Variants in TBCK observed in about 807,000 individuals in gnomAD.
The protein encoded by TBCK is TBC domain-containing protein kinase-like protein.
TBCK carries 99 observed loss-of-function variants against 113.4 expected under a neutral mutation model. That is an observed-to-expected ratio of 0.87 (90% CI 0.74 to 1.03). The LOEUF is 1.03. Ranked by LOEUF, TBCK falls within the 50% of genes least tolerant of loss-of-function variation. The pLI is 0.00. For synonymous variants in TBCK, 369 were observed against 370.8 expected, an observed-to-expected ratio of 1.00 and a Z score of 0.05; for missense variants, 1,045 against 1,061.3, an observed-to-expected ratio of 0.98 and a Z score of 0.21.
At chr4:106,197,897 TC>T (rs1364777348) in intron 20 of TBCK, among the ~76,000 whole-genome samples, 1 of 152,172 alleles carries the variant, frequency 6.6e-6, no homozygotes, top group Non-Finnish European at 1.5e-5. Context: ...ACTGAACTAA[TC>T]TTGTTTTGGT....
intron 22 of TBCK, among the ~76,000 whole-genome samples, chr4:106,178,777 T>G (rs1038847113): frequency 9.2e-5 from 14 of 152,126 alleles, no homozygotes; most frequent in African/African-American, 3.4e-4. Flanking sequence ...TAGAATGAGT[T>G]TGAAAGTATC....
intron 22 of TBCK, among the ~76,000 whole-genome samples, chr4:106,175,377 T>TA (rs1553950334): frequency 1.0e-4 from 15 of 143,846 alleles, no homozygotes; most frequent in South Asian, 2.3e-4. Context: ...TTTTTTTTTT[T>TA]ATGTGGGCTG....
At position 106,151,966 on chromosome 4, in the gene TBCK, T is replaced by C. The variant is rs1310796204; in HGVS notation, c.2235+19129A>G. Among the ~76,000 whole-genome samples the C allele has an allele frequency of 2.6e-5, 4 of 152,036 alleles. No individual in the cohort carries two copies. In the East Asian group the frequency reaches 7.7e-4, roughly 29 times the overall value. On this transcript the variant is annotated intron_variant, in intron 23 of 25. Coordinates refer to ENST00000394708, the MANE Select transcript of TBCK (RefSeq NM_001163435.3). Reference sequence around the variant, plus strand: ...CTGCAACTTTGCTGAATTTATCACTTCTAATACTGTTTTTTATGGAGTCTT... The same window carrying C: ...CTGCAACTTTGCTGAATTTATCACTCCTAATACTGTTTTTTATGGAGTCTT...
In TBCK at chr4:106,276,293, T is replaced by C. The variant is rs184340491; in HGVS notation, c.267-14081A>G. Among the ~76,000 whole-genome samples the C allele has an allele frequency of 6.2e-3, 949 of 152,310 alleles. 14 individuals are homozygous for C. Among genetic ancestry groups the C allele is most frequent in the Non-Finnish European group, 6.2e-3 (421 of 68,022 alleles). On this transcript the variant is annotated intron_variant, in intron 3 of 25. Transcript: ENST00000394708. ...AGAGCCAACATAAAATCGAAAACTA[T>C]AATGATTCTAGAATAAAATATGGGA...
chr4:106,065,603 G>A (rs919770828), intron 25 of TBCK, among the ~76,000 whole-genome samples: 1 of 151,902 alleles, frequency 6.6e-6, no homozygotes, highest in Non-Finnish European at 1.5e-5. Context: ...ACAAAAACGG[G>A]TCTACCCTGT....
At chr4:106,101,525 CAA>C (rs1409711178) in intron 24 of TBCK, among the ~76,000 whole-genome samples, 9 of 152,144 alleles carry the variant, frequency 5.9e-5, no homozygotes, top group Middle Eastern at 3.4e-3. Flanking sequence ...GACAAAGAGA[CAA>C]GAGTAATACT....
chr4:106,118,152 T>C (rs1743781311), intron 23 of TBCK, among the ~76,000 whole-genome samples: 1 of 152,220 alleles, frequency 6.6e-6, no homozygotes, highest in Non-Finnish European at 1.5e-5. Flanking sequence ...TTTTCTCTTT[T>C]TTCTCAGTTA....
At chr4:106,122,095 T>C (rs1037068609) in intron 23 of TBCK, among the ~76,000 whole-genome samples, 10 of 152,022 alleles carry the variant, frequency 6.6e-5, no homozygotes, top group African/African-American at 1.4e-4. Context: ...AGCTGGTTTT[T>C]TGAAAGGATC....
chr4:106,179,489 T>C (rs1208020462), intron 22 of TBCK, among the ~76,000 whole-genome samples: 1 of 152,062 alleles, frequency 6.6e-6, no homozygotes, highest in Non-Finnish European at 1.5e-5. Flanking sequence ...ATTTCCTTTA[T>C]AATTTCTTCA....
chr4:106,169,185 A>G (rs1174314000), intron 23 of TBCK, among the ~76,000 whole-genome samples: 3 of 152,126 alleles, frequency 2.0e-5, no homozygotes, highest in Non-Finnish European at 4.4e-5. Flanking sequence ...AATAGCAGCA[A>G]GTTATTTTGT....
At chr4:106,267,306 T>G (rs998732297) in intron 3 of TBCK, among the ~76,000 whole-genome samples, 7 of 151,836 alleles carry the variant, frequency 4.6e-5, no homozygotes, top group African/African-American at 1.7e-4. Context: ...TAACTCCCAA[T>G]AAAGCAAGAT....
At chr4:106,100,523 T>A (rs1479694737) in intron 24 of TBCK, among the ~76,000 whole-genome samples, 2 of 152,138 alleles carry the variant, frequency 1.3e-5, no homozygotes, top group African/African-American at 4.8e-5. Flanking sequence ...CCGGTTTATT[T>A]AGGGAAAAGC....
intron 20 of TBCK, among the ~76,000 whole-genome samples, chr4:106,209,804 A>T (rs532948739): frequency 7.9e-5 from 12 of 152,060 alleles, no homozygotes; most frequent in African/African-American, 2.9e-4. Context: ...TTTGGCCAAT[A>T]TCTTTAAGTT....
intron 5 of TBCK, among the ~76,000 whole-genome samples, chr4:106,257,541 C>T (rs114933695): frequency 0.016 from 2,467 of 152,050 alleles, 32 homozygotes; most frequent in Non-Finnish European, 0.027. Context: ...TGTTTTTTAA[C>T]TCCTTTTTCA....
At chr4:106,154,501 A>G (rs1748894112) in intron 23 of TBCK, among the ~76,000 whole-genome samples, 1 of 152,116 alleles carries the variant, frequency 6.6e-6, no homozygotes, top group South Asian at 2.1e-4. Context: ...AATTCTCAAT[A>G]TTGGATGTGG....
At chr4:106,266,314 C>G (rs1762990713) in intron 3 of TBCK, among the ~76,000 whole-genome samples, 1 of 151,782 alleles carries the variant, frequency 6.6e-6, no homozygotes, top group South Asian at 2.1e-4. Context: ...AGTAGCTTCT[C>G]TTGTTCTTGT....
At chr4:106,225,001 T>C (rs1758082540) in intron 19 of TBCK, among the ~76,000 whole-genome samples, 1 of 152,156 alleles carries the variant, frequency 6.6e-6, no homozygotes, top group African/African-American at 2.4e-5. Context: ...GACTTATAAG[T>C]AGTCATTTTC....
At chr4:106,254,234 T>C (rs1761740551) in intron 5 of TBCK, among the ~76,000 whole-genome samples, 1 of 152,170 alleles carries the variant, frequency 6.6e-6, no homozygotes, top group Admixed American at 6.5e-5. Flanking sequence ...AAAGCAAGTG[T>C]TCAGCATAAA....
chr4:106,201,032 C>T (rs1754826999), intron 20 of TBCK, among the ~76,000 whole-genome samples: 1 of 151,742 alleles, frequency 6.6e-6, no homozygotes, highest in South Asian at 2.1e-4. Context: ...TATACCTATA[C>T]TTTGATAATA....
Sources: allele counts gnomAD v4.1 joint callset (sites outside exome capture counted in the v4.1 genomes callset), GRCh38; gene constraint gnomAD v4.1.1; transcripts MANE v1.5; gene names NCBI Gene and HGNC (gene_info 2026-07-23, HGNC 2026-07-21).